Variants in TENM3 observed in about 807,000 individuals in gnomAD.
TENM3 encodes teneurin-3.
Under a neutral mutation model 255.1 loss-of-function variants are expected in TENM3, and 63 were observed. The observed-to-expected ratio is 0.25, with a 90% CI of 0.20 to 0.30. TENM3 has a LOEUF of 0.30. Among genes scored for constraint, TENM3 ranks in the 10% least tolerant of loss-of-function variants. The probability of loss-of-function intolerance (pLI) is 1.00; values close to 1 mark genes in which losing one functional copy is unlikely to be tolerated. For synonymous variants in TENM3, 1,306 were observed against 1,322.3 expected, an observed-to-expected ratio of 0.99 and a Z score of 0.27; for missense variants, 2,929 against 3,461.1, an observed-to-expected ratio of 0.85 and a Z score of 3.86.
At chr4:181,844,189 A>G in the TENM3 span, among the ~76,000 whole-genome samples, 3 of 152,216 alleles carry the variant, frequency 2.0e-5, no homozygotes, top group Non-Finnish European at 4.4e-5. Context: ...ATGGAGGCAA[A>G]GCCCTCGTGA....
At chr4:182,117,521 A>G in the TENM3 span, among the ~76,000 whole-genome samples, 1 of 152,086 alleles carries the variant, frequency 6.6e-6, no homozygotes, top group Non-Finnish European at 1.5e-5. Context: ...TTGTATGTGG[A>G]TGTCCAGTTG....
chr4:181,561,051 C>A, the TENM3 span, among the ~76,000 whole-genome samples: 6 of 152,148 alleles, frequency 3.9e-5, no homozygotes, highest in Non-Finnish European at 7.4e-5. Context: ...CTCCTGGGTT[C>A]AAGCGATTCT....
At chr4:182,496,767 G>A (rs1560829854) in intron 3 of TENM3, among the ~76,000 whole-genome samples, 1 of 152,140 alleles carries the variant, frequency 6.6e-6, no homozygotes, top group Admixed American at 6.6e-5. Flanking sequence ...ATAAAAACCT[G>A]TAAGGACAAA....
the TENM3 span, among the ~76,000 whole-genome samples, chr4:181,990,605 T>C: frequency 6.6e-6 from 1 of 152,100 alleles, no homozygotes; most frequent in African/African-American, 2.4e-5. Flanking sequence ...GGGAGAATTA[T>C]GTATAAAGTC....
At chr4:182,008,872 C>G in the TENM3 span, among the ~76,000 whole-genome samples, 3 of 152,038 alleles carry the variant, frequency 2.0e-5, no homozygotes, top group Non-Finnish European at 4.4e-5. Flanking sequence ...CTAGTTTCGG[C>G]CTTTGAGGCT....
chr4:182,164,887 T>A (rs1751604180), intron 1 of TENM3, among the ~76,000 whole-genome samples: 1 of 152,214 alleles, frequency 6.6e-6, no homozygotes, highest in African/African-American at 2.4e-5. Context: ...GAAGTTCTGC[T>A]GTTCTATCAT....
intron 3 of TENM3, among the ~76,000 whole-genome samples, chr4:182,517,531 C>T (rs556750985): frequency 2.0e-5 from 3 of 146,714 alleles, no homozygotes; most frequent in African/African-American, 7.6e-5. Flanking sequence ...CTACAGGCGC[C>T]CGCTACCACG....
rs1452487008 is a variant in TENM3 at position 182,161,671 on chromosome 4, A to ATG, written c.-76+16918_-76+16919insGT. Among the ~76,000 whole-genome samples, 177 of 117,822 alleles carry ATG rather than the reference A, an allele frequency of 1.5e-3. 18 individuals carry two copies. Among genetic ancestry groups the ATG allele is most frequent in the Middle Eastern group, 4.1e-3 (1 of 242 alleles). The allele number at this position is 117,822 out of a possible 152,430, so 77.3% of individuals were successfully genotyped here. A position where few individuals can be genotyped will look rare whatever the true frequency, so the allele number is the denominator to read the frequency against. Reference sequence around the variant, plus strand: ...TATATATACACACACACAAATATATATATGTATATATATACACAAATATAT... The same window carrying ATG: ...TATATATACACACACACAAATATATATGTATGTATATATATACACAAATATAT... On this transcript the variant is annotated intron_variant, in intron 1 of 2. Coordinates refer to the TENM3 transcript ENST00000512480.
chr4:182,437,551 C>T (rs933111872), intron 3 of TENM3, among the ~76,000 whole-genome samples: 5 of 152,088 alleles, frequency 3.3e-5, no homozygotes, highest in Non-Finnish European at 7.3e-5. Flanking sequence ...AATCCCAACA[C>T]TTTGGGAGGC....
the TENM3 span, among the ~76,000 whole-genome samples, chr4:181,737,538 G>A: frequency 1.1e-4 from 17 of 152,010 alleles, no homozygotes; most frequent in South Asian, 1.2e-3. Flanking sequence ...ACTTCTTCAG[G>A]GGGAAAAAAA....
At chr4:182,655,784 A>G (rs893822075) in intron 6 of TENM3, among the ~76,000 whole-genome samples, 4 of 152,206 alleles carry the variant, frequency 2.6e-5, no homozygotes, top group African/African-American at 9.6e-5. Context: ...GCTATTGACC[A>G]TGACAATGCA....
the TENM3 span, among the ~76,000 whole-genome samples, chr4:181,807,772 G>T: frequency 2.0e-5 from 3 of 152,116 alleles, no homozygotes; most frequent in Non-Finnish European, 4.4e-5. Flanking sequence ...CACCTAAATG[G>T]GAGTTAAAGT....
At chr4:181,719,251 G>GAA in the TENM3 span, among the ~76,000 whole-genome samples, 4 of 146,716 alleles carry the variant, frequency 2.7e-5, no homozygotes, top group African/African-American at 1.0e-4. Context: ...AAATAAAAAT[G>GAA]AAAATATATA....
At chr4:182,701,214 T>TTTTTTTTTTC (rs1757840635) in intron 12 of TENM3, among the ~76,000 whole-genome samples, 1 of 57,858 alleles carries the variant, frequency 1.7e-5, no homozygotes, top group African/African-American at 6.2e-5. Flanking sequence ...TCTTGACTTT[T>TTTTTTTTTTC]TTTTTTTTTT....
At chr4:181,580,120 C>T in the TENM3 span, among the ~76,000 whole-genome samples, 1 of 152,096 alleles carries the variant, frequency 6.6e-6, no homozygotes, top group South Asian at 2.1e-4. Context: ...GCCTCAGCCT[C>T]CTGAGTAACT....
chr4:182,287,762 C>T (rs1245753340), intron 1 of TENM3, among the ~76,000 whole-genome samples: 1 of 151,622 alleles, frequency 6.6e-6, no homozygotes, highest in Non-Finnish European at 1.5e-5. Context: ...TACAGGCGCC[C>T]TCCACCACAC....
intron 1 of TENM3, among the ~76,000 whole-genome samples, chr4:182,315,502 T>C (rs950547468): frequency 1.1e-4 from 16 of 152,180 alleles, no homozygotes; most frequent in South Asian, 1.0e-3. Flanking sequence ...TTTTCCTGTG[T>C]CTGCCTTTAA....
the TENM3 span, among the ~76,000 whole-genome samples, chr4:181,849,949 T>TCTCTCTCTCTCACACACACACACA: frequency 0.011 from 732 of 65,862 alleles, 19 homozygotes; most frequent in Non-Finnish European, 0.017. Context: ...TCTCTCTCTC[T>TCTCTCTCTCTCACACACACACACA]CACACACACA....
chr4:181,658,951 T>C, the TENM3 span, among the ~76,000 whole-genome samples: 2 of 152,098 alleles, frequency 1.3e-5, no homozygotes, highest in African/African-American at 2.4e-5. Context: ...CGACTCCATC[T>C]TGAGTGAGGG....
Sources: gnomAD v4.1 joint callset for allele counts (sites outside exome capture counted in the v4.1 genomes callset) on GRCh38, gnomAD v4.1.1 for gene constraint, MANE v1.5 for transcripts, NCBI Gene and HGNC (gene_info 2026-07-23, HGNC 2026-07-21) for gene names.